The following KIZ variants were observed in gnomAD, a reference collection of about 807,000 sequenced individuals.
KIZ encodes the protein centrosomal protein kizuna.
A neutral mutation model predicts 79.6 loss-of-function variants in KIZ; 68 were observed. The ratio of observed to expected loss-of-function variants is 0.85; its 90% CI spans 0.70 to 1.05. KIZ has a LOEUF of 1.05. Ranked by LOEUF, KIZ falls within the 50% of genes least tolerant of loss-of-function variation. The pLI, the probability that KIZ is intolerant of heterozygous loss-of-function variation, is 0.00. For synonymous variants in KIZ, 280 were observed against 281.8 expected (o/e 0.99, Z 0.06); for missense variants, 797 against 800.4 (o/e 1.00, Z 0.05).
chr20:21,136,424 C>G lies in KIZ; in HGVS notation c.187C>G (p.Leu63Val). The change falls in exon 3 of 13, where the codon CTG becomes GTG. Residue 63 changes from leucine (L) to valine (V), a missense_variant. Transcript: ENST00000619189. ...GAAATATGTAAAACTAAAGAATTAT[C>G]TGAAGGAAATATGTGAATCTGAAAA... is the stretch of plus-strand genomic sequence containing the variant. Reference protein sequence around the residue: ...KLKYVKLKNYLKEICESEKKA... With the variant: ...KLKYVKLKNYVKEICESEKKA... 1.7e-5 allele frequency: 26 copies of G among 1,557,382 alleles called. No individual in the cohort carries two copies. The highest frequency in any genetic ancestry group is 2.3e-5 in the Non-Finnish European group (26 of 1,143,316).
At chr20:21,200,945 T>A (rs2035573094) in intron 6 of KIZ, among the ~76,000 whole-genome samples, 1 of 152,154 alleles carries the variant, frequency 6.6e-6, no homozygotes, top group Admixed American at 6.6e-5. Context: ...TTTGGGAGGC[T>A]GAGGCAGGTG....
intron 7 of KIZ, among the ~76,000 whole-genome samples, chr20:21,207,784 A>G (rs1600542207): frequency 1.3e-5 from 2 of 151,774 alleles, no homozygotes; most frequent in Non-Finnish European, 2.9e-5. Context: ...GCTCGCTGCC[A>G]CCAGGGCTCA....
rs572327369 is a variant in KIZ, at chr20:21,189,139, G to A, written c.1353-16352G>A. On this transcript the variant is annotated intron_variant, in intron 6 of 12. Transcript: ENST00000619189. ...GATTAGAGGTATGAGCCACCATCCT[G>A]CATGCTGTTTATGCATCTCAGTTGG... is the stretch of plus-strand genomic sequence containing the variant. Among the ~76,000 whole-genome samples the A allele has an allele frequency of 4.6e-5, 7 of 152,232 alleles. No homozygotes were observed. The South Asian group carries it at 1.2e-3, about 27-fold the overall frequency.
At chr20:21,166,175 C>T (rs1282031383) in intron 6 of KIZ, 31 of 951,440 alleles carry the variant, frequency 3.3e-5, no homozygotes, top group Non-Finnish European at 4.2e-5. Context: ...GTCCATGAGG[C>T]ATTTTATTTG....
chr20:21,214,349 A>C (rs2036197516), intron 7 of KIZ, among the ~76,000 whole-genome samples, 186 bp from the exon 8 acceptor site: 1 of 152,190 alleles, frequency 6.6e-6, no homozygotes, highest in Non-Finnish European at 1.5e-5. Context: ...GTAAAGAATT[A>C]GATTATAGTA....
intron 11 of KIZ, among the ~76,000 whole-genome samples, chr20:21,236,301 A>G (rs1160928107): frequency 6.6e-6 from 1 of 152,198 alleles, no homozygotes; most frequent in African/African-American, 2.4e-5. Context: ...ATTTGTTGGC[A>G]TAGTCATTGG....
intron 6 of KIZ, among the ~76,000 whole-genome samples, chr20:21,181,462 G>GTTT (rs545371209): frequency 7.0e-6 from 1 of 142,974 alleles, no homozygotes; most frequent in Non-Finnish European, 1.5e-5. Flanking sequence ...ATCTATCCAA[G>GTTT]TTTTTTTTTT....
chr20:21,171,687 C>T (rs1488858978), intron 6 of KIZ, among the ~76,000 whole-genome samples: 2 of 152,194 alleles, frequency 1.3e-5, no homozygotes, highest in Admixed American at 6.5e-5. Context: ...TTAGGTGATC[C>T]ACCCACCTTG....
At chr20:21,193,403 A>G (rs1007753876) in intron 6 of KIZ, among the ~76,000 whole-genome samples, 11 of 152,142 alleles carry the variant, frequency 7.2e-5, no homozygotes, top group Non-Finnish European at 1.3e-4. Context: ...TCAGTTTGCA[A>G]TTCTGAGCCC....
chr20:21,180,414 A>G (rs1291761337), intron 6 of KIZ, among the ~76,000 whole-genome samples: 1 of 152,032 alleles, frequency 6.6e-6, no homozygotes, highest in African/African-American at 2.4e-5. Flanking sequence ...GGAGCCAAAT[A>G]AGTGGTAGGG....
chr20:21,164,030 A>G (rs992082902), intron 6 of KIZ, among the ~76,000 whole-genome samples: 2 of 152,174 alleles, frequency 1.3e-5, no homozygotes, highest in Non-Finnish European at 2.9e-5. Flanking sequence ...GGTCTACTGG[A>G]TCTGCTGGGG....
At chr20:21,179,531 G>C (rs2034565698) in intron 6 of KIZ, among the ~76,000 whole-genome samples, 1 of 151,400 alleles carries the variant, frequency 6.6e-6, no homozygotes, top group Non-Finnish European at 1.5e-5. Context: ...AAAAGTCTTA[G>C]TTTTATTGAT....
intron 11 of KIZ, among the ~76,000 whole-genome samples, chr20:21,237,070 G>A (rs943746315): frequency 6.6e-6 from 1 of 151,910 alleles, no homozygotes; most frequent in African/African-American, 2.4e-5. Context: ...GGGAGGCCAA[G>A]GTGGGTGGAC....
chr20:21,150,274 G>A (rs74936269), intron 4 of KIZ, among the ~76,000 whole-genome samples: 4,505 of 152,276 alleles, frequency 0.03, 118 homozygotes, highest in Non-Finnish European at 0.043. Flanking sequence ...ATATGGGCCC[G>A]CCCTCTCACA....
intron 1 of KIZ, among the ~76,000 whole-genome samples, chr20:21,131,306 C>T (rs914315078): frequency 2.0e-5 from 3 of 152,218 alleles, no homozygotes; most frequent in African/African-American, 2.4e-5. Flanking sequence ...AGCACAGGTT[C>T]AGTCTTTACT....
intron 1 of KIZ, among the ~76,000 whole-genome samples, chr20:21,128,047 CTG>C (rs2031596098): frequency 6.6e-6 from 1 of 152,236 alleles, no homozygotes; most frequent in Non-Finnish European, 1.5e-5. Flanking sequence ...TAGTCTCACT[CTG>C]TCACCCAGGC....
At chr20:21,176,589 A>G (rs2034446509) in intron 6 of KIZ, among the ~76,000 whole-genome samples, 1 of 150,126 alleles carries the variant, frequency 6.7e-6, no homozygotes, top group African/African-American at 2.4e-5. Flanking sequence ...AAAAAAATAC[A>G]GTTTGAATAG....
At chr20:21,143,279 A>C (rs1319972204) in intron 3 of KIZ, among the ~76,000 whole-genome samples, 1 of 151,522 alleles carries the variant, frequency 6.6e-6, no homozygotes, top group Non-Finnish European at 1.5e-5. Flanking sequence ...TCAATTATTC[A>C]CTTATTCTGT....
intron 6 of KIZ, among the ~76,000 whole-genome samples, chr20:21,163,999 G>T (rs187240309): frequency 6.6e-6 from 1 of 152,224 alleles, no homozygotes; most frequent in East Asian, 1.9e-4. Flanking sequence ...AACGAAGGCC[G>T]GGGCAGAGTG....
Sources: allele counts gnomAD v4.1 joint callset (sites outside exome capture counted in the v4.1 genomes callset), GRCh38; gene constraint gnomAD v4.1.1; transcripts MANE v1.5; gene names NCBI Gene and HGNC (gene_info 2026-07-23, HGNC 2026-07-21).